ATP2C2: variants seen among roughly 807,000 people sequenced by gnomAD.
ATP2C2 encodes ATPase secretory pathway Ca2+ transporting 2.
Under a neutral mutation model 110.8 loss-of-function variants are expected in ATP2C2, and 171 were observed. The observed-to-expected ratio is 1.54, with a 90% confidence interval of 1.36 to 1.75. The LOEUF is 1.75. ATP2C2 is among the 40% of genes most tolerant of loss of function. The pLI is 0.00. For missense variants in ATP2C2, 1,963 were observed against 1,235.0 expected (o/e 1.59, Z -8.84); for synonymous variants, 804 against 508.4 (o/e 1.58, Z -7.82).
chr16:84,452,493 G>C (rs1189973293), intron 18 of ATP2C2, among the ~76,000 whole-genome samples: 1 of 103,246 alleles, frequency 9.7e-6, no homozygotes, highest in East Asian at 3.0e-4. Flanking sequence ...TTCTCCTCTA[G>C]TTACTTTTTT....
intron 1 of ATP2C2, among the ~76,000 whole-genome samples, chr16:84,373,105 G>A (rs1378231090): frequency 6.9e-6 from 1 of 145,354 alleles, no homozygotes; most frequent in East Asian, 2.0e-4. Context: ...GGAAGACAGA[G>A]CGAGACTCCC....
intron 1 of ATP2C2, among the ~76,000 whole-genome samples, chr16:84,383,854 A>G (rs1049772355): frequency 6.8e-6 from 1 of 147,756 alleles, no homozygotes; most frequent in African/African-American, 2.5e-5. Context: ...CAGTAGCGCA[A>G]TCTCGGCTCA....
At position 84,422,612 on chromosome 16, in the gene ATP2C2, C is replaced by G. The variant is rs145901110; in HGVS notation, c.775-17C>G. 157 of 1,611,720 alleles carry G rather than the reference C, an allele frequency of 9.7e-5. 1 individual carries two copies. The African/African-American group carries it at 1.6e-3, about 17-fold the overall frequency. ...CCCAGCCCTTAGATTTCATACTTCT[C>G]TCTCTCCTGGACACAGGGGGTCGTG... On this transcript the variant is annotated splice_polypyrimidine_tract_variant and intron_variant, in intron 8 of 26. Coordinates refer to ENST00000262429, the MANE Select transcript of ATP2C2 (RefSeq NM_014861.4).
intron 7 of ATP2C2, among the ~76,000 whole-genome samples, chr16:84,416,515 G>A (rs921448675): frequency 2.6e-5 from 4 of 152,276 alleles, no homozygotes; most frequent in African/African-American, 9.6e-5. Context: ...AGAGCACAAA[G>A]GGTTGGAAGC....
rs145943220 is a variant in ATP2C2, at chr16:84,463,769, G to T, written c.*37G>T. On this transcript the variant is annotated 3_prime_UTR_variant, in exon 27 of 27. Coordinates refer to ENST00000262429, the MANE Select transcript of ATP2C2 (RefSeq NM_014861.4). ...CCGCGGCACCTTCCCTAATCATCTC[G>T]ATCTGGTTGTGACTGTGGCCCCTGC... The T allele has an allele frequency of 7.6e-4, 1,173 of 1,552,144 alleles. No individual in the cohort carries two copies. The highest frequency in any genetic ancestry group is 9.7e-4 in the Non-Finnish European group (1,086 of 1,123,802).
intron 18 of ATP2C2, among the ~76,000 whole-genome samples, chr16:84,452,470 G>C (rs983484062): frequency 1.8e-4 from 27 of 151,248 alleles, no homozygotes; most frequent in Admixed American, 6.6e-5. Context: ...CATCAATAGA[G>C]GGCTAGCAGC....
Position 84,453,250 on chromosome 16 carries a change from G to C in ATP2C2, c.1929+15G>C, listed in dbSNP as rs748921239. 8 of 1,614,024 alleles carry C rather than the reference G, an allele frequency of 5.0e-6. No homozygotes were observed. The highest frequency in any genetic ancestry group is 6.8e-6 in the Non-Finnish European group (8 of 1,179,928). On this transcript the variant is annotated intron_variant, in intron 19 of 26. Transcript: ENST00000262429. ...GCGTGGGGAAGGTGGGTCCCCGGAG[G>C]CTTGGCTGGCAGTGGGGCTGGGTCA...
chr16:84,425,219 T>A (rs1907704516), intron 10 of ATP2C2, among the ~76,000 whole-genome samples: 1 of 152,180 alleles, frequency 6.6e-6, no homozygotes, highest in Non-Finnish European at 1.5e-5. Flanking sequence ...TCCCAGTCCC[T>A]ACTCACACCT....
At position 84,451,943 on chromosome 16, in the gene ATP2C2, C is replaced by G. The variant is rs369501191; in HGVS notation, c.1683C>G (p.Pro561=). 5.0e-6 allele frequency: 8 copies of G among 1,614,018 alleles called. No individual in the cohort carries two copies. The Admixed American group carries it at 5.0e-5, about 10-fold the overall frequency. ...GLRVLALASG[P]ELGRLTFLGL... ...CAGTGCTGGCCCTGGCTTCTGGGCC[C>G]GAGCTGGGGCGGCTGACGTTTCTCG... The change falls in exon 18 of 27, where the codon CCC becomes CCG. Residue 561 remains proline, a synonymous_variant. Transcript: ENST00000262429.
At chr16:84,453,685 C>G (rs148195983) in intron 20 of ATP2C2, among the ~76,000 whole-genome samples, 1 of 152,144 alleles carries the variant, frequency 6.6e-6, no homozygotes, top group Admixed American at 6.5e-5. Flanking sequence ...TGGGAAGTGT[C>G]ATCTGTAGCT....
chr16:84,412,038 C>T (rs539727483), intron 6 of ATP2C2, among the ~76,000 whole-genome samples: 8 of 149,584 alleles, frequency 5.3e-5, no homozygotes, highest in East Asian at 2.0e-4. Context: ...GAGACAGGGT[C>T]TGGCTCTGTT....
intron 6 of ATP2C2, among the ~76,000 whole-genome samples, chr16:84,411,634 G>A (rs1211585062): frequency 6.6e-6 from 1 of 152,152 alleles, no homozygotes; most frequent in Non-Finnish European, 1.5e-5. Context: ...TAGAGGTGGG[G>A]TTTCGCCACG....
At chr16:84,456,286 A>T (rs1375042796) in intron 21 of ATP2C2, among the ~76,000 whole-genome samples, 1 of 150,830 alleles carries the variant, frequency 6.6e-6, no homozygotes, top group Non-Finnish European at 1.5e-5. Flanking sequence ...TAAACTATTG[A>T]TTATTGTCAC....
chr16:84,447,756 TAC>T (rs746462507), intron 16 of ATP2C2, among the ~76,000 whole-genome samples: 124 of 139,894 alleles, frequency 8.9e-4, no homozygotes, highest in East Asian at 4.3e-3. Context: ...ATATATAATA[TAC>T]ATATAAATAA....
chr16:84,399,659 T>C (rs1245693926), intron 2 of ATP2C2, among the ~76,000 whole-genome samples: 3 of 152,170 alleles, frequency 2.0e-5, no homozygotes, highest in Non-Finnish European at 2.9e-5. Flanking sequence ...AGTAGGTGCA[T>C]ATTTATGGGT....
chr16:84,408,798 T>C (rs1906013959), intron 4 of ATP2C2, among the ~76,000 whole-genome samples: 1 of 151,970 alleles, frequency 6.6e-6, no homozygotes, highest in Non-Finnish European at 1.5e-5. Context: ...GCTGTGCACA[T>C]TTGCCTTCCG....
intron 14 of ATP2C2, among the ~76,000 whole-genome samples, chr16:84,441,611 G>A (rs755030789): frequency 2.0e-5 from 3 of 152,108 alleles, no homozygotes; most frequent in African/African-American, 7.2e-5. Context: ...ACGCTGTCTT[G>A]GTTTTGCAGA....
intron 11 of ATP2C2, among the ~76,000 whole-genome samples, chr16:84,434,723 G>T (rs1908590494): frequency 6.6e-6 from 1 of 151,748 alleles, no homozygotes; most frequent in Non-Finnish European, 1.5e-5. Flanking sequence ...TCAACACGTT[G>T]GCCAGGCTAG....
intron 2 of ATP2C2, among the ~76,000 whole-genome samples, chr16:84,399,516 C>G (rs929449488): frequency 6.6e-6 from 1 of 152,188 alleles, no homozygotes; most frequent in South Asian, 2.1e-4. Flanking sequence ...ACAAAGTTTC[C>G]TTCCATTATG....
Sources: gnomAD v4.1 joint callset for allele counts (sites outside exome capture counted in the v4.1 genomes callset) on GRCh38, gnomAD v4.1.1 for gene constraint, MANE v1.5 for transcripts, NCBI Gene and HGNC (gene_info 2026-07-23, HGNC 2026-07-21) for gene names.